RNLS: variants seen among roughly 807,000 people sequenced by gnomAD.
The protein encoded by RNLS is renalase.
A neutral mutation model predicts 39.8 loss-of-function variants in RNLS; 39 were observed. The observed-to-expected ratio is 0.98, with a 90% confidence interval of 0.76 to 1.28. The LOEUF is 1.28. Ranked by LOEUF, RNLS falls within the 50% of genes most tolerant of loss-of-function variation. The probability of loss-of-function intolerance (pLI) is 0.00; values close to 1 mark genes in which losing one functional copy is unlikely to be tolerated. For missense variants in RNLS, 410 were observed against 413.3 expected (o/e 0.99, Z 0.07); for synonymous variants, 147 against 150.7 (o/e 0.98, Z 0.18).
At chr10:88,414,624 A>C (rs962506381) in intron 4 of RNLS, among the ~76,000 whole-genome samples, 2 of 152,198 alleles carry the variant, frequency 1.3e-5, no homozygotes, top group African/African-American at 4.8e-5. Flanking sequence ...TAACAATCAA[A>C]TGTGGCCACT....
chr10:88,382,928 C>A (rs539677409), intron 4 of RNLS, among the ~76,000 whole-genome samples: 1 of 152,068 alleles, frequency 6.6e-6, no homozygotes, highest in East Asian at 1.9e-4. Flanking sequence ...TTCCAATAGA[C>A]GGTGGTAAAA....
At chr10:88,483,171 T>C (rs1018024973) in intron 4 of RNLS, among the ~76,000 whole-genome samples, 1 of 152,192 alleles carries the variant, frequency 6.6e-6, no homozygotes, top group African/African-American at 2.4e-5. Flanking sequence ...CTTTCATATA[T>C]TCAAAATTTA....
intron 6 of RNLS, among the ~76,000 whole-genome samples, chr10:88,302,542 AT>A (rs1198826524): frequency 3.9e-5 from 6 of 152,130 alleles, no homozygotes; most frequent in Admixed American, 1.3e-4. Context: ...TTACCTCTAA[AT>A]TTTTTTTAAT....
At chr10:88,393,392 C>T (rs1187808987) in intron 4 of RNLS, among the ~76,000 whole-genome samples, 2 of 152,108 alleles carry the variant, frequency 1.3e-5, no homozygotes, top group South Asian at 2.1e-4. Context: ...TTCTTATACA[C>T]CAATAACAGA....
intron 4 of RNLS, among the ~76,000 whole-genome samples, chr10:88,395,994 T>A (rs938433056): frequency 6.6e-6 from 1 of 152,010 alleles, no homozygotes; most frequent in African/African-American, 2.4e-5. Context: ...AGCAAAACTA[T>A]CCTTCAGAAA....
chr10:88,536,000 A>C (rs1021799844), intron 4 of RNLS, among the ~76,000 whole-genome samples: 2 of 152,188 alleles, frequency 1.3e-5, no homozygotes, highest in African/African-American at 4.8e-5. Flanking sequence ...GAATTGAGAG[A>C]TCTGAGAGAT....
chr10:88,274,180 A>G (rs923813280), exon 7 of RNLS: 21 of 152,196 alleles, frequency 1.4e-4, no homozygotes, highest in African/African-American at 5.1e-4. Context: ...TTCTTTATTT[A>G]TTGTGGTAAA....
At chr10:88,489,802 T>C (rs770081009) in intron 4 of RNLS, among the ~76,000 whole-genome samples, 44 of 152,334 alleles carry the variant, frequency 2.9e-4, no homozygotes, top group Admixed American at 6.5e-4. Flanking sequence ...GTTTGTATTC[T>C]AGAGCTTTTT....
downstream of RNLS, among the ~76,000 whole-genome samples, chr10:88,283,167 G>C (rs546169424): frequency 5.3e-5 from 8 of 152,248 alleles, no homozygotes; most frequent in South Asian, 4.1e-4. Context: ...TGGCTTCCAG[G>C]AGGAGATATT....
intron 4 of RNLS, among the ~76,000 whole-genome samples, chr10:88,524,732 T>C (rs755564006): frequency 6.6e-6 from 1 of 151,776 alleles, no homozygotes; most frequent in African/African-American, 2.4e-5. Flanking sequence ...TCAACAGTAC[T>C]AGATTCGACC....
At chr10:88,512,836 A>G (rs1235268390) in intron 4 of RNLS, among the ~76,000 whole-genome samples, 2 of 152,190 alleles carry the variant, frequency 1.3e-5, no homozygotes, top group Admixed American at 1.3e-4. Context: ...CTGGCAGTGC[A>G]AAGTTACACC....
the RNLS span, among the ~76,000 whole-genome samples, chr10:88,191,948 C>G: frequency 1.3e-5 from 2 of 151,724 alleles, no homozygotes; most frequent in Non-Finnish European, 2.9e-5. Context: ...GCGTCTTCAG[C>G]TTGGGGTGCC....
the RNLS span, among the ~76,000 whole-genome samples, chr10:88,225,388 T>G: frequency 1.2e-3 from 184 of 152,346 alleles, no homozygotes; most frequent in African/African-American, 4.3e-3. Context: ...CTTTTCTCAA[T>G]TCCCTTCTCA....
rs957308462 is a variant in RNLS at position 88,277,269 on chromosome 10, G to T, written c.877-2237C>A. ...ATGTTCTCACTCATAGGTGGGAATT[G>T]AACAATAAGAACACTTGGACACAGG... On this transcript the variant is annotated intron_variant, in intron 6 of 6. Coordinates refer to the RNLS transcript ENST00000371947. 1.7e-4 allele frequency among the ~76,000 whole-genome samples: 26 copies of T among 149,660 alleles called. No individual in the cohort carries two copies. The Admixed American group carries it at 1.8e-3, about 10-fold the overall frequency.
chr10:88,455,115 A>T (rs1208918548), intron 4 of RNLS, among the ~76,000 whole-genome samples: 1 of 152,202 alleles, frequency 6.6e-6, no homozygotes, highest in African/African-American at 2.4e-5. Flanking sequence ...TTTCAAAGGC[A>T]CTGTGAGAGT....
chr10:88,500,958 A>T (rs1845441011), intron 4 of RNLS, among the ~76,000 whole-genome samples: 1 of 151,984 alleles, frequency 6.6e-6, no homozygotes, highest in African/African-American at 2.4e-5. Flanking sequence ...TTAGGGGGAA[A>T]TATATAATGT....
At chr10:88,244,499 A>G in the RNLS span, among the ~76,000 whole-genome samples, 1 of 152,166 alleles carries the variant, frequency 6.6e-6, no homozygotes, top group Non-Finnish European at 1.5e-5. Flanking sequence ...CCTTCCAGCC[A>G]TTGTTTTTGG....
At chr10:88,262,939 G>T in the RNLS span, among the ~76,000 whole-genome samples, 29 of 152,166 alleles carry the variant, frequency 1.9e-4, no homozygotes, top group Admixed American at 1.7e-3. Context: ...ATTTACCCAG[G>T]CTATTTGAGG....
At chr10:88,551,791 A>T (rs1026018914) in intron 4 of RNLS, among the ~76,000 whole-genome samples, 2 of 152,076 alleles carry the variant, frequency 1.3e-5, no homozygotes, top group African/African-American at 4.8e-5. Context: ...ATCTTGCTCT[A>T]TATGGTGGGG....
Sources: gnomAD v4.1 joint callset for allele counts (sites outside exome capture counted in the v4.1 genomes callset) on GRCh38, gnomAD v4.1.1 for gene constraint, MANE v1.5 for transcripts, NCBI Gene and HGNC (gene_info 2026-07-23, HGNC 2026-07-21) for gene names.